The following PKHD1L1 variants were observed in gnomAD, a reference collection of about 807,000 sequenced individuals.
The protein encoded by PKHD1L1 is fibrocystin-L.
PKHD1L1 carries 434 observed loss-of-function variants against 462.9 expected under a neutral mutation model. The ratio of observed to expected loss-of-function variants is 0.94; its 90% CI spans 0.87 to 1.02. The LOEUF (loss-of-function observed/expected upper bound fraction) is 1.02, where lower values mean the gene tolerates loss of function less well. Ranked by LOEUF, PKHD1L1 falls within the 50% of genes least tolerant of loss-of-function variation. PKHD1L1 has a pLI of 0.00. For missense variants in PKHD1L1, 5,202 were observed against 5,096.1 expected (o/e 1.02, Z -0.63); for synonymous variants, 1,781 against 1,750.0 (o/e 1.02, Z -0.44).
intron 8 of PKHD1L1, 75 bp from the exon 9 acceptor site, chr8:109,390,377 C>A: frequency 2.6e-6 from 2 of 762,894 alleles, no homozygotes; most frequent in Non-Finnish European, 3.8e-6. Context: ...GCTTTTAAAT[C>A]AGCTTTATAA....
rs1396223813 is a variant in PKHD1L1 at position 109,535,697 on chromosome 8, G to A, written c.*5607G>A. ...AAAGGTCAGTTACTATGAAGAAGGT[G>A]TAACAATATTTATATTAATCAGACA... On this transcript the variant is annotated 3_prime_UTR_variant, in exon 78 of 78. Transcript: ENST00000378402. Among the ~76,000 whole-genome samples the A allele has an allele frequency of 1.3e-5, 2 of 152,202 alleles. No homozygotes were observed. Among genetic ancestry groups the A allele is most frequent in the East Asian group, 3.8e-4 (2 of 5,202 alleles).
At chr8:109,482,077 G>A (rs997094607) in intron 56 of PKHD1L1, among the ~76,000 whole-genome samples, 3 of 150,572 alleles carry the variant, frequency 2.0e-5, no homozygotes, top group Non-Finnish European at 4.4e-5. Flanking sequence ...TTAGTATACC[G>A]TGGATATTCT....
chr8:109,378,597 A>G (rs574987140), intron 2 of PKHD1L1, among the ~76,000 whole-genome samples: 2 of 152,292 alleles, frequency 1.3e-5, no homozygotes, highest in South Asian at 2.1e-4. Context: ...CCCACTTCAC[A>G]TCTTCATGGT....
rs774619250 is a variant in PKHD1L1, at chr8:109,441,290, A to C, written c.4115A>C (p.Asn1372Thr). 1.9e-6 allele frequency: 3 copies of C among 1,575,896 alleles called. No homozygotes were observed. The highest frequency in any genetic ancestry group is 2.7e-5 in the African/African-American group (2 of 73,596). Residue 1372 changes from asparagine (N) to threonine (T), a missense_variant, in exon 34 of 78, where the codon AAT becomes ACT. Transcript: ENST00000378402. ...TTCTTTCTAGGGTCCATCCCTTGCA[A>C]TGTTACATCATCATCAGAAAATGTC... ...NTVLLGSIPC[N>T]VTSSSENVIK...
intron 2 of PKHD1L1, among the ~76,000 whole-genome samples, chr8:109,378,779 G>A (rs1481814981): frequency 6.6e-6 from 1 of 152,170 alleles, no homozygotes; most frequent in African/African-American, 2.4e-5. Flanking sequence ...CTGGGCAGTC[G>A]AAGAGGACTT....
intron 33 of PKHD1L1, among the ~76,000 whole-genome samples, 185 bp from the exon 34 acceptor site, chr8:109,441,090 C>A (rs570739114): frequency 6.6e-6 from 1 of 151,654 alleles, no homozygotes; most frequent in African/African-American, 2.4e-5. Flanking sequence ...GGAGTTTTTC[C>A]GCAAATAATT....
At chr8:109,397,954 T>G (rs1285680962) in intron 11 of PKHD1L1, among the ~76,000 whole-genome samples, 2 of 152,174 alleles carry the variant, frequency 1.3e-5, no homozygotes, top group Non-Finnish European at 2.9e-5. Context: ...CTTTTAGCCT[T>G]TTTTCCTGTT....
At chr8:109,426,847 T>C (rs1323682826) in intron 24 of PKHD1L1, among the ~76,000 whole-genome samples, 155 bp from the exon 25 acceptor site, 1 of 152,108 alleles carries the variant, frequency 6.6e-6, no homozygotes, top group Non-Finnish European at 1.5e-5. Context: ...GAGACGGGGT[T>C]TTACCATGTT....
rs1445854899 is a variant in PKHD1L1 at position 109,490,845 on chromosome 8, T to C, written c.9985-127T>C. On this transcript the variant is annotated intron_variant, in intron 60 of 77. Coordinates refer to ENST00000378402, the MANE Select transcript of PKHD1L1 (RefSeq NM_177531.6). ...TAAAGACTTATGGAGAAATCATCTT[T>C]AAGAGAAAGTGAATTGAGTATTGAT... The C allele has an allele frequency of 3.8e-6, 3 of 795,580 alleles. No individual in the cohort carries two copies. The East Asian group carries it at 9.1e-5, about 24-fold the overall frequency. The allele number at this position is 795,580 out of a possible 1,614,324, so 49.3% of individuals were successfully genotyped here.
chr8:109,373,808 A>T lies in PKHD1L1; in HGVS notation c.164-7562A>T, dbSNP rs554242521. Among the ~76,000 whole-genome samples the T allele has an allele frequency of 4.6e-5, 7 of 152,090 alleles. No homozygotes were observed. In the East Asian group the frequency reaches 1.4e-3, roughly 29 times the overall value. On this transcript the variant is annotated intron_variant, in intron 2 of 77. Coordinates refer to ENST00000378402, the MANE Select transcript of PKHD1L1 (RefSeq NM_177531.6). ...AGGTTGTTCAGTTTCCATGTAGTTG[A>T]GTGGTTTTGAGTGAGTTTCTTAATC...
chr8:109,438,808 A>T, intron 31 of PKHD1L1, 89 bp from the exon 32 acceptor site: 1 of 1,019,042 alleles, frequency 9.8e-7, no homozygotes, highest in Non-Finnish European at 1.4e-6. Flanking sequence ...ATGAAAGATG[A>T]GAGATGAATT....
rs1563542953 is a variant in PKHD1L1 at position 109,439,091 on chromosome 8, A to G, written c.3955A>G (p.Arg1319Gly). ...CAGAAACTGGGGTTTTGCATCAACA[A>G]GGTATGATAATGAACATAAACTTGA... ...EVRNWGFAST[R>G]DKLNSSIQYV... The change falls in exon 32 of 78, where the codon AGA (arginine) becomes GGA (glycine). Residue 1319 changes from arginine to glycine, a missense_variant and splice_region_variant. Around this residue, in one of 3 missense-constraint regions of PKHD1L1, gnomAD observed 4,497 missense variants for 4,336.8 expected, o/e 1.04. Transcript: ENST00000378402. The G allele has an allele frequency of 1.9e-6, 3 of 1,611,690 alleles. No individual in the cohort carries two copies. The highest frequency in any genetic ancestry group is 2.5e-6 in the Non-Finnish European group (3 of 1,178,588).
chr8:109,496,043 T>A (rs1170958236), intron 63 of PKHD1L1, among the ~76,000 whole-genome samples: 1 of 152,180 alleles, frequency 6.6e-6, no homozygotes, highest in Non-Finnish European at 1.5e-5. Flanking sequence ...TCATTAAAAC[T>A]TTTTACATAT....
At position 109,536,730 on chromosome 8, in the gene PKHD1L1, A is replaced by C. The variant is rs866186416; in HGVS notation, c.*6640A>C. Among the ~76,000 whole-genome samples, 49 of 152,244 alleles carry C rather than the reference A, an allele frequency of 3.2e-4. No homozygotes were observed. The highest frequency in any genetic ancestry group is 1.2e-3 in the African/African-American group (48 of 41,554). On this transcript the variant is annotated 3_prime_UTR_variant, in exon 78 of 78. Transcript: ENST00000378402. The stretch of plus-strand genomic sequence containing the variant: ...TCTAACCAGGCCCCTTCTGAAGAAA[A>C]CTGGTTAACTCTAAATTGTTACTAA...
At chr8:109,479,237 C>T (rs1818148004) in intron 53 of PKHD1L1, among the ~76,000 whole-genome samples, 1 of 152,146 alleles carries the variant, frequency 6.6e-6, no homozygotes, top group Admixed American at 6.6e-5. Flanking sequence ...TTCAATTTAA[C>T]CTAGCTTTCA....
chr8:109,533,871 C>T lies in PKHD1L1; in HGVS notation c.*3781C>T, dbSNP rs1164540522. Among the ~76,000 whole-genome samples, 2 of 152,054 alleles carry T rather than the reference C, an allele frequency of 1.3e-5. No homozygotes were observed. The highest frequency in any genetic ancestry group is 4.8e-5 in the African/African-American group (2 of 41,396). ...GACAATTTTATGGCTTTTACAATGT[C>T]CTTGTGTGAAGAATATTTTTATACC... On this transcript the variant is annotated 3_prime_UTR_variant, in exon 78 of 78. Transcript: ENST00000378402.
chr8:109,427,810 G>T (rs1045783920), intron 25 of PKHD1L1, among the ~76,000 whole-genome samples: 2 of 152,010 alleles, frequency 1.3e-5, no homozygotes, highest in Non-Finnish European at 2.9e-5. Context: ...TGGATCACAG[G>T]AGTTCGAGAT....
At chr8:109,437,656 T>C (rs1412303291) in intron 30 of PKHD1L1, among the ~76,000 whole-genome samples, 5 of 152,092 alleles carry the variant, frequency 3.3e-5, no homozygotes, top group Admixed American at 6.6e-5. Flanking sequence ...GGGGGTATTA[T>C]GTATTTGCAA....
At chr8:109,480,354 C>A (rs1289078683) in intron 55 of PKHD1L1, among the ~76,000 whole-genome samples, 1 of 151,976 alleles carries the variant, frequency 6.6e-6, no homozygotes. Context: ...CTATAGGATT[C>A]TTGAGTCTGC....
Sources: allele counts gnomAD v4.1 joint callset (sites outside exome capture counted in the v4.1 genomes callset), GRCh38; gene constraint gnomAD v4.1.1; regional missense constraint gnomAD v4.1.1; transcripts MANE v1.5; gene names NCBI Gene and HGNC (gene_info 2026-07-23, HGNC 2026-07-21).